Variants in NSD2 observed in about 807,000 individuals in gnomAD.
NSD2 encodes nuclear receptor binding SET domain protein 2.
NSD2 carries 12 observed loss-of-function variants against 139.0 expected under a neutral mutation model. The ratio of observed to expected loss-of-function variants is 0.09; its 90% CI spans 0.06 to 0.14. The LOEUF (loss-of-function observed/expected upper bound fraction) is 0.14. Among genes scored for constraint, NSD2 ranks in the 10% least tolerant of loss-of-function variants. The probability of loss-of-function intolerance (pLI) is 1.00; values close to 1 mark genes in which losing one functional copy is unlikely to be tolerated. For synonymous variants in NSD2, 669 were observed against 648.7 expected, an observed-to-expected ratio of 1.03 and a Z score of -0.48; for missense variants, 1,155 against 1,745.0, an observed-to-expected ratio of 0.66 and a Z score of 6.02.
intron 5 of NSD2, among the ~76,000 whole-genome samples, chr4:1,926,072 G>A (rs940501817): frequency 2.0e-5 from 3 of 151,260 alleles, no homozygotes; most frequent in Non-Finnish European, 4.4e-5. Context: ...CACAGTGCTG[G>A]GATTACAGAC....
chr4:1,935,675 G>C (rs1352166746), intron 7 of NSD2, among the ~76,000 whole-genome samples: 1 of 151,992 alleles, frequency 6.6e-6, no homozygotes, highest in Non-Finnish European at 1.5e-5. Flanking sequence ...GCCTGGCCAA[G>C]ATGGTAATAC....
At chr4:1,933,344 C>G (rs763383769) in intron 6 of NSD2, among the ~76,000 whole-genome samples, 1 of 152,222 alleles carries the variant, frequency 6.6e-6, no homozygotes, top group Non-Finnish European at 1.5e-5. Context: ...AGTAGTGAGG[C>G]TTGAGGGTGA....
rs544506004 is a variant in NSD2, at chr4:1,972,440, G to A, written c.3373-2423G>A. On this transcript the variant is annotated intron_variant, in intron 18 of 21. Transcript: ENST00000508803. The surrounding 1 kb of genome is among the most constrained non-coding windows in gnomAD (Gnocchi z 4.0). ...GTCCATGTAGAAGGAAAGATCTGCA[G>A]GTCTAGCCAGTGCTTTATCTTGAAG... Among the ~76,000 whole-genome samples, 1 of 152,378 alleles carries A rather than the reference G, an allele frequency of 6.6e-6. No individual in the cohort carries two copies. Among genetic ancestry groups the A allele is most frequent in the Admixed American group, 6.5e-5 (1 of 15,310 alleles).
chr4:1,926,678 C>T (rs371134906), intron 5 of NSD2, among the ~76,000 whole-genome samples: 5 of 152,140 alleles, frequency 3.3e-5, no homozygotes, highest in African/African-American at 1.2e-4. Flanking sequence ...ACCATATTGG[C>T]TAGGCTGGTC....
rs1719655885 is a variant in NSD2, at chr4:1,918,167, G to A, written c.954G>A (p.Leu318=). 1.9e-6 allele frequency: 3 copies of A among 1,610,942 alleles called. No individual in the cohort carries two copies. Among genetic ancestry groups the A allele is most frequent in the Non-Finnish European group, 2.5e-6 (3 of 1,179,116 alleles). The change falls in exon 5 of 22, where the codon TTG becomes TTA. Residue 318 remains leucine (L), a synonymous_variant. Transcript: ENST00000508803. ...IKLLKPISGK[L]RAQWEMGIVQ... ...TATTGAAACCAATTTCAGGGAAATT[G>A]AGGGCCCAGTGGGAAATGGGCATTG... is the stretch of plus-strand genomic sequence containing the variant.
In NSD2 at chr4:1,948,085, A is replaced by T. The variant is rs1723822441; in HGVS notation, c.1882-2987A>T. ...CCCTGCCCTGAAGGAATGTATTTCT[A>T]AGGCAAATAGGCAACTTGGTACTAT... On this transcript the variant is annotated intron_variant, in intron 9 of 21. Transcript: ENST00000508803. This position sits in a 1 kb window ranked among gnomAD's most constrained non-coding sequence, Gnocchi z 4.5. 1 of 1,058,454 alleles carries T rather than the reference A, an allele frequency of 9.4e-7. No homozygotes were observed. Among genetic ancestry groups the T allele is most frequent in the South Asian group, 4.6e-5 (1 of 21,914 alleles). The allele number at this position is 1,058,454 out of a possible 1,614,324, so 65.6% of individuals were successfully genotyped here. A position where few individuals can be genotyped will look rare whatever the true frequency, so the allele number is the denominator to read the frequency against.
chr4:1,935,055 G>A, intron 6 of NSD2, 89 bp from the exon 7 acceptor site: 2 of 937,502 alleles, frequency 2.1e-6, no homozygotes, highest in Non-Finnish European at 3.2e-6. Context: ...GGATCTGTAT[G>A]TTGAATGCCC....
intron 5 of NSD2, among the ~76,000 whole-genome samples, chr4:1,922,888 T>C (rs1318628084): frequency 6.6e-6 from 1 of 152,174 alleles, no homozygotes; most frequent in Non-Finnish European, 1.5e-5. Flanking sequence ...ATTGTGCCAT[T>C]GTACTCCAGC....
chr4:1,941,110 G>A, intron 9 of NSD2: 1 of 1,054,852 alleles, frequency 9.5e-7, no homozygotes, highest in Non-Finnish European at 1.1e-6. Context: ...ATATGAAAAG[G>A]CAAATTTTAT....
chr4:1,925,768 A>C (rs189930933), intron 5 of NSD2, among the ~76,000 whole-genome samples: 221 of 147,726 alleles, frequency 1.5e-3, no homozygotes, highest in Middle Eastern at 3.5e-3. Context: ...ATATCTATAT[A>C]TATATTTTTT....
chr4:1,948,237 G>A lies in NSD2; in HGVS notation c.1882-2835G>A, dbSNP rs912249827. On this transcript the variant is annotated intron_variant, in intron 9 of 21. Transcript: ENST00000508803. This position sits in a 1 kb window ranked among gnomAD's most constrained non-coding sequence, Gnocchi z 4.5. ...GGTGGACGCGGGAAACAACGGGAAAGTTCTTGACAGAGTCTGTGTCCGCTC... is the reference window on the plus strand; with the variant it reads ...GGTGGACGCGGGAAACAACGGGAAAATTCTTGACAGAGTCTGTGTCCGCTC... 5.6e-6 allele frequency: 6 copies of A among 1,064,530 alleles called. No individual in the cohort carries two copies. The highest frequency in any genetic ancestry group is 5.4e-5 in the Admixed American group (1 of 18,674). 65.9% of individuals were successfully genotyped at this position (1,064,530 alleles called of 1,614,324 possible). A position where few individuals can be genotyped will look rare whatever the true frequency, so the allele number is the denominator to read the frequency against.
At chr4:1,899,312 A>G (rs1212069433) in intron 1 of NSD2, 4 of 152,148 alleles carry the variant, frequency 2.6e-5, no homozygotes, top group Non-Finnish European at 5.9e-5. Flanking sequence ...TACTGTGGAC[A>G]TCTCGGGCCG....
chr4:1,912,576 A>T lies in NSD2; in HGVS notation c.761-4295A>T, dbSNP rs1445006389. 5.3e-5 allele frequency among the ~76,000 whole-genome samples: 8 copies of T among 151,736 alleles called. No homozygotes were observed. In the East Asian group the frequency reaches 1.5e-3, roughly 29 times the overall value. On this transcript the variant is annotated intron_variant, in intron 3 of 21. Transcript: ENST00000508803. ...CTCATCCTTAAAACTCATCCTTATT[A>T]TGAAGTTAGTTTCTCCTATTTATAT...
intron 2 of NSD2, among the ~76,000 whole-genome samples, chr4:1,903,985 T>G (rs1717551452): frequency 6.6e-6 from 1 of 152,166 alleles, no homozygotes; most frequent in Non-Finnish European, 1.5e-5. Context: ...CCGCCCACGT[T>G]GGCCTCCCAA....
At chr4:1,891,456 T>C (rs929708020) in intron 1 of NSD2, among the ~76,000 whole-genome samples, 1 of 152,186 alleles carries the variant, frequency 6.6e-6, no homozygotes, top group Non-Finnish European at 1.5e-5. Context: ...GAGACCTCCT[T>C]CTGCTCAGTT....
chr4:1,946,508 A>G, intron 9 of NSD2: 1 of 944,722 alleles, frequency 1.1e-6, no homozygotes, highest in Non-Finnish European at 1.3e-6. Flanking sequence ...TGACCTCGTG[A>G]TCCACCCGCC....
Position 1,939,516 on chromosome 4 carries a change from TAGAA to T in NSD2, c.1757-135_1757-132del. ...TGTTTATGTTCAGATTTTTCCATGA[TAGAA>T]AGTTAAGCCAGAAGGACAAAGGAAT... On this transcript the variant is annotated intron_variant, in intron 8 of 21. Transcript: ENST00000508803. 4.4e-6 allele frequency: 4 copies of T among 902,010 alleles called. No homozygotes were observed. The South Asian group carries it at 5.2e-5, about 12-fold the overall frequency. 55.9% of individuals were successfully genotyped at this position (902,010 alleles called of 1,614,324 possible). A position where few individuals can be genotyped will look rare whatever the true frequency, so the allele number is the denominator to read the frequency against.
chr4:1,940,634 GT>G, intron 9 of NSD2: 1 of 1,062,424 alleles, frequency 9.4e-7, no homozygotes, highest in African/African-American at 1.6e-5. Context: ...CATGGGTCCT[GT>G]TTTTGTCATG....
At chr4:1,932,111 A>G (rs1721706232) in intron 6 of NSD2, among the ~76,000 whole-genome samples, 1 of 152,022 alleles carries the variant, frequency 6.6e-6, no homozygotes, top group African/African-American at 2.4e-5. Flanking sequence ...GCACCACATC[A>G]TTGTCACGCG....
Sources: gnomAD v4.1 joint callset for allele counts (sites outside exome capture counted in the v4.1 genomes callset) on GRCh38, gnomAD v4.1.1 for gene constraint, Gnocchi (gnomAD v3.1) non-coding constraint, MANE v1.5 for transcripts, NCBI Gene and HGNC (gene_info 2026-07-23, HGNC 2026-07-21) for gene names.